Variants in RANBP2 observed in about 807,000 individuals in gnomAD.
RANBP2 encodes the protein E3 SUMO-protein ligase RanBP2.
A neutral mutation model predicts 303.6 loss-of-function variants in RANBP2; 57 were observed. That is an observed-to-expected ratio of 0.19 (90% CI 0.15 to 0.23). RANBP2 has a LOEUF of 0.23. Among genes scored for constraint, RANBP2 ranks in the 10% least tolerant of loss-of-function variants. The pLI is 1.00. For missense variants in RANBP2, 3,138 were observed against 3,780.8 expected (o/e 0.83, Z 4.46); for synonymous variants, 1,167 against 1,301.5 (o/e 0.90, Z 2.23).
chr2:109,668,175 C>A, the RANBP2 span, among the ~76,000 whole-genome samples: 1 of 152,278 alleles, frequency 6.6e-6, no homozygotes, highest in African/African-American at 2.4e-5. Flanking sequence ...ATTGCAGGAC[C>A]CGGGTTCATT....
In RANBP2 at chr2:108,758,466, T is replaced by C. The variant is rs150539591; in HGVS notation, c.2520T>C (p.Arg840=). The C allele has an allele frequency of 1.4e-3, 2,322 of 1,611,846 alleles. 3 individuals are homozygous for C. Among genetic ancestry groups the C allele is most frequent in the Non-Finnish European group, 1.9e-3 (2,191 of 1,179,850 alleles). ...GCAGTAACTCAGCATCCCCTCATCG[T>C]TGGCCCACAGAGAATTATGGACCAG... ...LNSSNSASPH[R]WPTENYGPDS... The change falls in exon 18 of 29, where the codon CGT becomes CGC. Residue 840 remains arginine, a synonymous_variant. Transcript: ENST00000283195.
At chr2:109,668,687 C>A in the RANBP2 span, among the ~76,000 whole-genome samples, 1 of 152,096 alleles carries the variant, frequency 6.6e-6, no homozygotes, top group Non-Finnish European at 1.5e-5. Flanking sequence ...AGGAAATGAT[C>A]CAATTTAAAG....
chr2:109,268,109 G>A, the RANBP2 span, among the ~76,000 whole-genome samples: 1 of 151,904 alleles, frequency 6.6e-6, no homozygotes, highest in Admixed American at 6.5e-5. Flanking sequence ...TGGGGAGGAA[G>A]GGGCTGGGTG....
the RANBP2 span, among the ~76,000 whole-genome samples, chr2:109,289,593 G>C: frequency 5.9e-5 from 9 of 152,264 alleles, no homozygotes; most frequent in South Asian, 1.7e-3. Flanking sequence ...TTTTCACTTA[G>C]ATGTCTCTGC....
At chr2:109,595,502 G>C in the RANBP2 span, among the ~76,000 whole-genome samples, 1 of 152,172 alleles carries the variant, frequency 6.6e-6, no homozygotes, top group Non-Finnish European at 1.5e-5. Context: ...CTGTAGGACA[G>C]AAACAAAGTG....
chr2:108,750,886 T>G (rs1675828733), intron 9 of RANBP2, among the ~76,000 whole-genome samples: 1 of 152,242 alleles, frequency 6.6e-6, no homozygotes, highest in Admixed American at 6.5e-5. Flanking sequence ...ACCGATGGAT[T>G]AATATAGTGG....
the RANBP2 span, among the ~76,000 whole-genome samples, chr2:109,386,431 A>G: frequency 6.6e-6 from 1 of 152,282 alleles, no homozygotes; most frequent in Admixed American, 6.5e-5. Flanking sequence ...AAAAAAAAAA[A>G]AACACTGTGG....
the RANBP2 span, chr2:108,798,312 A>C: frequency 9.8e-7 from 1 of 1,025,564 alleles, no homozygotes. Flanking sequence ...GATTGTCCTT[A>C]GGTACCCCTG....
the RANBP2 span, among the ~76,000 whole-genome samples, chr2:108,833,876 C>T: frequency 2.0e-5 from 3 of 148,248 alleles, no homozygotes; most frequent in South Asian, 4.3e-4. Context: ...TACAGGCGCC[C>T]GCTACCACGC....
chr2:108,977,291 T>C, the RANBP2 span, among the ~76,000 whole-genome samples: 2 of 152,162 alleles, frequency 1.3e-5, no homozygotes, highest in East Asian at 3.9e-4. Flanking sequence ...TTTTTTGAGA[T>C]GGAGTCTCGC....
chr2:109,723,102 T>C, the RANBP2 span, among the ~76,000 whole-genome samples: 2 of 152,206 alleles, frequency 1.3e-5, no homozygotes, highest in Non-Finnish European at 2.9e-5. Flanking sequence ...AAAAGTGTTC[T>C]TTCTCCACAA....
At chr2:109,282,326 G>C in the RANBP2 span, among the ~76,000 whole-genome samples, 1 of 152,146 alleles carries the variant, frequency 6.6e-6, no homozygotes, top group Non-Finnish European at 1.5e-5. Context: ...CAAGTTGTCT[G>C]CATTTTCTTA....
At chr2:109,574,511 T>C in the RANBP2 span, 8 of 966,992 alleles carry the variant, frequency 8.3e-6, no homozygotes, top group African/African-American at 6.8e-5. Flanking sequence ...TATATCCATA[T>C]TGTAAAAATA....
At chr2:109,189,367 C>CTTTTTTTTTTT in the RANBP2 span, among the ~76,000 whole-genome samples, 1 of 147,972 alleles carries the variant, frequency 6.8e-6, no homozygotes. Flanking sequence ...AGTCGTTTGA[C>CTTTTTTTTTTT]TTTTTTTTTT....
the RANBP2 span, among the ~76,000 whole-genome samples, chr2:109,443,842 T>C: frequency 3.3e-5 from 5 of 152,314 alleles, 1 homozygote; most frequent in African/African-American, 1.2e-4. Flanking sequence ...CAGTTAGATA[T>C]AAAATGGTAA....
chr2:109,681,124 C>T, the RANBP2 span, among the ~76,000 whole-genome samples: 6 of 152,156 alleles, frequency 3.9e-5, no homozygotes, highest in South Asian at 2.1e-4. Flanking sequence ...CTTCTCGATG[C>T]GGAGGAATCC....
the RANBP2 span, among the ~76,000 whole-genome samples, chr2:108,853,804 G>A: frequency 7.2e-6 from 1 of 139,402 alleles, no homozygotes; most frequent in East Asian, 2.0e-4. Flanking sequence ...GGAGTTACAG[G>A]CACCAGCCAT....
chr2:109,288,031 C>G, the RANBP2 span, among the ~76,000 whole-genome samples: 1 of 66,794 alleles, frequency 1.5e-5, no homozygotes, highest in South Asian at 6.0e-4. Context: ...TGGCTGACTG[C>G]CACCAGCAGG....
chr2:108,825,128 C>T, the RANBP2 span, among the ~76,000 whole-genome samples: 3 of 152,060 alleles, frequency 2.0e-5, no homozygotes, highest in African/African-American at 7.2e-5. Context: ...GTTAACTGAC[C>T]TAGACTCTTC....
Sources: gnomAD v4.1 joint callset for allele counts (sites outside exome capture counted in the v4.1 genomes callset) on GRCh38, gnomAD v4.1.1 for gene constraint, MANE v1.5 for transcripts, NCBI Gene and HGNC (gene_info 2026-07-23, HGNC 2026-07-21) for gene names.